SPTA1: variants seen among roughly 807,000 people sequenced by gnomAD.
SPTA1 encodes the protein spectrin alpha chain, erythrocytic 1.
SPTA1 carries 177 observed loss-of-function variants against 324.7 expected under a neutral mutation model. That is an observed-to-expected ratio of 0.55 (90% CI 0.48 to 0.62). The LOEUF (loss-of-function observed/expected upper bound fraction) is 0.62, where lower values mean the gene tolerates loss of function less well. Among genes scored for constraint, SPTA1 ranks in the 20% least tolerant of loss-of-function variants. The pLI, the probability that SPTA1 is intolerant of heterozygous loss-of-function variation, is 0.00. For missense variants in SPTA1, 3,162 were observed against 2,883.6 expected, an observed-to-expected ratio of 1.10 and a Z score of -2.21; for synonymous variants, 1,195 against 1,041.3, an observed-to-expected ratio of 1.15 and a Z score of -2.84.
chr1:158,645,405 G>A lies in SPTA1; in HGVS notation c.3997-20C>T. The A allele has an allele frequency of 6.2e-7, 1 of 1,613,970 alleles. No homozygotes were observed. The highest frequency in any genetic ancestry group is 8.5e-7 in the Non-Finnish European group (1 of 1,179,936). On this transcript the variant is annotated intron_variant, in intron 28 of 51. Transcript: ENST00000643759. ...GTGCTCCTGTGGGAAAAAGGGGGAAGAAATCAGTGAGGCCAACTCCATTGG... is the reference window on the plus strand; with the variant it reads ...GTGCTCCTGTGGGAAAAAGGGGGAAAAAATCAGTGAGGCCAACTCCATTGG...
intron 8 of SPTA1, 60 bp from the exon 9 acceptor site, chr1:158,674,735 C>G: frequency 6.2e-7 from 1 of 1,605,016 alleles, no homozygotes; most frequent in Non-Finnish European, 8.5e-7. Context: ...GGACATTGAA[C>G]AAAGATTTAG....
chr1:158,640,969 C>G (rs1651515953), intron 33 of SPTA1, among the ~76,000 whole-genome samples: 1 of 152,110 alleles, frequency 6.6e-6, no homozygotes, highest in Non-Finnish European at 1.5e-5. Context: ...AGATATAGAC[C>G]AACGGAACAG....
At chr1:158,659,044 C>T (rs1017491558) in intron 18 of SPTA1, among the ~76,000 whole-genome samples, 2 of 151,708 alleles carry the variant, frequency 1.3e-5, no homozygotes, top group East Asian at 1.9e-4. Flanking sequence ...AAATATTAAC[C>T]TAAAGAAAGG....
chr1:158,680,682 G>T lies in SPTA1; in HGVS notation c.579C>A (p.Thr193=). The T allele has an allele frequency of 6.2e-7, 1 of 1,613,758 alleles. No homozygotes were observed. The highest frequency in any genetic ancestry group is 8.5e-7 in the Non-Finnish European group (1 of 1,179,860). The change falls in exon 5 of 52, where the codon ACC becomes ACA. Residue 193 remains threonine (T), a synonymous_variant. Coordinates refer to ENST00000643759, the MANE Select transcript of SPTA1 (RefSeq NM_003126.4). ...CTTCAAATTTCTTATGCAGAACTTC[G>T]GTGCGCTCCCAGTCTTCACCTAGCT... The part of the protein sequence containing the change: ...SVELGEDWER[T]EVLHKKFEDF...
rs114655302 is a variant in SPTA1, at chr1:158,635,819, C to T, written c.5432+94G>A. The T allele has an allele frequency of 1.7e-4, 267 of 1,580,546 alleles. No individual in the cohort carries two copies. The African/African-American group carries it at 3.0e-3, about 18-fold the overall frequency. On this transcript the variant is annotated intron_variant, in intron 38 of 51. Transcript: ENST00000643759. ...GAGATAGATAGGTAGTTGGGGATAG[C>T]AGACAATGCTGAGCAGGCACTTAAG...
intron 3 of SPTA1, 46 bp from the exon 4 acceptor site, chr1:158,681,713 C>G (rs763246808): frequency 3.7e-6 from 6 of 1,612,442 alleles, no homozygotes; most frequent in Non-Finnish European, 5.1e-6. Context: ...ACACTGGGAG[C>G]AGGGAAACAC....
chr1:158,639,812 T>A, intron 34 of SPTA1, 58 bp downstream of exon 34: 1 of 1,613,440 alleles, frequency 6.2e-7, no homozygotes, highest in South Asian at 1.1e-5. Flanking sequence ...GGTAAATTCA[T>A]TTGTCTGACA....
In SPTA1 at chr1:158,685,228, C is replaced by G. The variant is rs754692537; in HGVS notation, c.144G>C (p.Lys48Asn). ...FKERVAERGQKLEDSYHLQVF... is the reference protein window; with the variant it reads ...FKERVAERGQNLEDSYHLQVF... Reference sequence around the variant, plus strand: ...CTTGTAAGTGATAGGAATCCTCAAGCTTCTGACCCCTCTCAGCGACCCGCT... The same window carrying G: ...CTTGTAAGTGATAGGAATCCTCAAGGTTCTGACCCCTCTCAGCGACCCGCT... Residue 48 changes from lysine to asparagine, a missense_variant, in exon 2 of 52, where the codon AAG (lysine) becomes AAC (asparagine). By Grantham distance (94) the Lys-to-Asn change is moderately conservative (BLOSUM62 0). Transcript: ENST00000643759. The G allele has an allele frequency of 1.1e-5, 17 of 1,613,624 alleles. No homozygotes were observed. Among genetic ancestry groups the G allele is most frequent in the Non-Finnish European group, 1.4e-5 (17 of 1,179,824 alleles).
intron 5 of SPTA1, among the ~76,000 whole-genome samples, chr1:158,679,797 C>T (rs1260411658): frequency 6.6e-6 from 1 of 152,042 alleles, no homozygotes; most frequent in Non-Finnish European, 1.5e-5. Context: ...TGAAAAACTT[C>T]CACAGCAAGA....
chr1:158,639,913 C>A lies in SPTA1; in HGVS notation c.4832G>T (p.Arg1611Met), dbSNP rs1651411151. ...KKLNEASRQQ[R>M]FNTSIRDFEF... ...AAAGTCCCGGATGCTTGTGTTGAAC[C>A]TCTGTTGACGACTGGCCTCATTGAG... The change falls in exon 34 of 52, where the codon AGG becomes ATG. Residue 1611 changes from arginine (R) to methionine (M), a missense_variant. Arg to Met is a moderately conservative substitution (Grantham distance 91, BLOSUM62 -1). Transcript: ENST00000643759. 6.2e-7 allele frequency: 1 copy of A among 1,613,890 alleles called. No individual in the cohort carries two copies.
In SPTA1 at chr1:158,642,848, C is replaced by A. The variant is rs780492991; in HGVS notation, c.4571G>T (p.Cys1524Phe). The A allele has an allele frequency of 6.8e-6, 11 of 1,613,852 alleles. No homozygotes were observed. The highest frequency in any genetic ancestry group is 1.7e-5 in the Admixed American group (1 of 59,984). Reference protein sequence around the residue: ...EWISEMLPTACDESYKDATNI... With the variant: ...EWISEMLPTAFDESYKDATNI... ...AGTGGCGTCTTTGTAGGATTCATCACAGGCTGTGGGCAGCATCTCACTGAT... is the reference window on the plus strand; with the variant it reads ...AGTGGCGTCTTTGTAGGATTCATCAAAGGCTGTGGGCAGCATCTCACTGAT... Residue 1524 changes from cysteine to phenylalanine, a missense_variant, in exon 32 of 52, where the codon TGT becomes TTT. By Grantham distance (205) the Cys-to-Phe change is radical. Transcript: ENST00000643759.
chr1:158,675,577 C>T (rs533333456), intron 8 of SPTA1, among the ~76,000 whole-genome samples: 2 of 152,106 alleles, frequency 1.3e-5, no homozygotes, highest in African/African-American at 2.4e-5. Context: ...TACATTTTTT[C>T]ATATACCTAT....
chr1:158,652,052 G>A (rs1652484042), intron 23 of SPTA1, among the ~76,000 whole-genome samples: 1 of 152,056 alleles, frequency 6.6e-6, no homozygotes, highest in South Asian at 2.1e-4. Flanking sequence ...AAGGGTTTTA[G>A]GTAGGCAAAA....
intron 24 of SPTA1, 79 bp downstream of exon 24, chr1:158,651,288 A>G (rs571686800): frequency 2.2e-6 from 2 of 919,182 alleles, no homozygotes; most frequent in South Asian, 2.6e-5. Flanking sequence ...TGCAGAATAT[A>G]AAGTTCCATG....
chr1:158,673,691 T>G (rs1654187866), intron 10 of SPTA1, among the ~76,000 whole-genome samples: 2 of 152,090 alleles, frequency 1.3e-5, no homozygotes, highest in Admixed American at 6.5e-5. Flanking sequence ...AGTCTAGAGA[T>G]GAGCATGGGA....
chr1:158,651,305 TG>T (rs1341217263), intron 24 of SPTA1, 61 bp downstream of exon 24: 3 of 1,030,686 alleles, frequency 2.9e-6, no homozygotes, highest in Non-Finnish European at 4.6e-6. Context: ...CATGTTGAAG[TG>T]AAATGAGGAC....
chr1:158,640,673 T>C (rs1006541494), intron 33 of SPTA1, among the ~76,000 whole-genome samples: 4 of 151,984 alleles, frequency 2.6e-5, no homozygotes, highest in East Asian at 3.9e-4. Flanking sequence ...TAAAAGAGGA[T>C]ACAAACAAAT....
rs756315530 is a variant in SPTA1, at chr1:158,672,641, T to C, written c.1351-445A>G. Among the ~76,000 whole-genome samples the C allele has an allele frequency of 2.0e-4, 31 of 152,278 alleles. 1 individual carries two copies. Among genetic ancestry groups the C allele is most frequent in the Non-Finnish European group, 2.1e-4 (14 of 68,008 alleles). On this transcript the variant is annotated intron_variant, in intron 10 of 51. Coordinates refer to ENST00000643759, the MANE Select transcript of SPTA1 (RefSeq NM_003126.4). Reference sequence around the variant, plus strand: ...CCAAGTTCATAGAGCACATAAAACATCACACTGAGAAGTTTGCATTTTATT... The same window carrying C: ...CCAAGTTCATAGAGCACATAAAACACCACACTGAGAAGTTTGCATTTTATT...
At chr1:158,672,990 T>C (rs1292571901) in intron 10 of SPTA1, among the ~76,000 whole-genome samples, 1 of 151,252 alleles carries the variant, frequency 6.6e-6, no homozygotes, top group Non-Finnish European at 1.5e-5. Context: ...GATGTGGTGG[T>C]GCGCACCTCT....
Sources: gnomAD v4.1 joint callset for allele counts (sites outside exome capture counted in the v4.1 genomes callset) on GRCh38, gnomAD v4.1.1 for gene constraint, MANE v1.5 for transcripts, NCBI Gene and HGNC (gene_info 2026-07-23, HGNC 2026-07-21) for gene names.